The following TACR1 variants were observed in gnomAD, a reference collection of about 807,000 sequenced individuals.
TACR1 encodes substance-P receptor.
A neutral mutation model predicts 35.8 loss-of-function variants in TACR1; 25 were observed. The ratio of observed to expected loss-of-function variants is 0.70; its 90% confidence interval spans 0.51 to 0.98. The LOEUF is 0.98. Among genes scored for constraint, TACR1 ranks in the 50% least tolerant of loss-of-function variants. The pLI is 0.00. For synonymous variants in TACR1, 195 were observed against 206.7 expected, an observed-to-expected ratio of 0.94 and a Z score of 0.48; for missense variants, 478 against 522.9, an observed-to-expected ratio of 0.91 and a Z score of 0.84.
chr2:75,114,219 G>A (rs1320864165), intron 2 of TACR1, among the ~76,000 whole-genome samples: 2 of 152,046 alleles, frequency 1.3e-5, no homozygotes, highest in Non-Finnish European at 2.9e-5. Context: ...GTAATATTTA[G>A]AATTCAGAAT....
In TACR1 at chr2:75,073,867, T is replaced by G. The variant is rs76384736; in HGVS notation, c.585-20112A>C. On this transcript the variant is annotated intron_variant, in intron 2 of 4. Coordinates refer to ENST00000305249, the MANE Select transcript of TACR1 (RefSeq NM_001058.4). ...TGCTGGATAGGGTGAGGCATTACTT[T>G]TAGACATTTACAGAATATGTTCTCC... Among the ~76,000 whole-genome samples the G allele has an allele frequency of 2.1e-3, 314 of 152,260 alleles. 5 individuals are homozygous for G. In the East Asian group the frequency reaches 0.052, roughly 25 times the overall value.
At chr2:75,188,779 C>T (rs1675769742) in intron 1 of TACR1, 1 of 152,186 alleles carries the variant, frequency 6.6e-6, no homozygotes, top group African/African-American at 2.4e-5. Context: ...CCACTGATGA[C>T]CTCATGCCAA....
intron 1 of TACR1, among the ~76,000 whole-genome samples, chr2:75,125,563 T>C (rs1674056306): frequency 6.6e-6 from 1 of 152,204 alleles, no homozygotes; most frequent in Admixed American, 6.5e-5. Context: ...GCTGAGGATG[T>C]AGTAAATACT....
chr2:75,158,966 CTG>C (rs903240370), intron 1 of TACR1, among the ~76,000 whole-genome samples: 11 of 152,154 alleles, frequency 7.2e-5, no homozygotes, highest in African/African-American at 2.7e-4. Context: ...CTTTGGAAGA[CTG>C]TTGTGTTAAG....
intron 1 of TACR1, among the ~76,000 whole-genome samples, chr2:75,147,906 G>A (rs1353039340): frequency 2.0e-5 from 3 of 151,988 alleles, no homozygotes; most frequent in Non-Finnish European, 4.4e-5. Context: ...CACCACACCT[G>A]GCTAATTTTT....
intron 2 of TACR1, among the ~76,000 whole-genome samples, chr2:75,097,021 C>G (rs958586053): frequency 6.6e-6 from 1 of 152,152 alleles, no homozygotes; most frequent in Non-Finnish European, 1.5e-5. Context: ...CTCTTGTATC[C>G]TGGAAAATGA....
chr2:75,151,535 AC>A (rs1674670178), intron 1 of TACR1, among the ~76,000 whole-genome samples: 2 of 152,150 alleles, frequency 1.3e-5, no homozygotes, highest in Admixed American at 1.3e-4. Flanking sequence ...AGATTTGGGA[AC>A]CTTTGCCTAG....
chr2:75,177,995 A>G (rs1193334716), intron 1 of TACR1, among the ~76,000 whole-genome samples: 1 of 152,164 alleles, frequency 6.6e-6, no homozygotes, highest in East Asian at 1.9e-4. Context: ...CAGAAGCAAT[A>G]AAAATGAGCT....
At chr2:75,122,016 T>A (rs920210652) in intron 1 of TACR1, among the ~76,000 whole-genome samples, 2 of 152,212 alleles carry the variant, frequency 1.3e-5, no homozygotes, top group Non-Finnish European at 2.9e-5. Flanking sequence ...TTATTCAGTA[T>A]GCGCTCAATA....
intron 2 of TACR1, among the ~76,000 whole-genome samples, chr2:75,074,991 A>C (rs1479738030): frequency 6.6e-6 from 1 of 152,228 alleles, no homozygotes; most frequent in Non-Finnish European, 1.5e-5. Flanking sequence ...AAGCACTGAG[A>C]ACCTGCTGTC....
At chr2:75,190,640 A>C (rs1475022000) in intron 1 of TACR1, among the ~76,000 whole-genome samples, 2 of 152,180 alleles carry the variant, frequency 1.3e-5, no homozygotes, top group Admixed American at 6.5e-5. Flanking sequence ...AGACTTTTCA[A>C]ATCTTTCCCT....
Position 75,047,734 on chromosome 2 carries a change from G to A in TACR1, c.*1698C>T, listed in dbSNP as rs890527158. 6.6e-6 allele frequency: 1 copy of A among 152,220 alleles called. No homozygotes were observed. Among genetic ancestry groups the A allele is most frequent in the African/African-American group, 2.4e-5 (1 of 41,448 alleles). 9.4% of individuals were successfully genotyped at this position (152,220 alleles called of 1,614,324 possible). A position where few individuals can be genotyped will look rare whatever the true frequency, so the allele number is the denominator to read the frequency against. On this transcript the variant is annotated 3_prime_UTR_variant, in exon 5 of 5. Transcript: ENST00000305249. Reference sequence around the variant, plus strand: ...AACTTTCCATGCTGCTTTAGAGAATGTAGTTCTTGAGGTTTTCTGGCTTAT... The same window carrying A: ...AACTTTCCATGCTGCTTTAGAGAATATAGTTCTTGAGGTTTTCTGGCTTAT...
chr2:75,184,265 A>T (rs1675633463), intron 1 of TACR1, among the ~76,000 whole-genome samples: 1 of 152,172 alleles, frequency 6.6e-6, no homozygotes, highest in Non-Finnish European at 1.5e-5. Flanking sequence ...AAGTATCTAG[A>T]TTTGATTAAA....
intron 2 of TACR1, among the ~76,000 whole-genome samples, chr2:75,090,171 C>T (rs1395080908): frequency 2.0e-5 from 3 of 152,202 alleles, no homozygotes; most frequent in South Asian, 4.1e-4. Flanking sequence ...TGTCCATCCT[C>T]CTATCCTGTT....
chr2:75,153,291 T>C (rs924715574), intron 1 of TACR1, among the ~76,000 whole-genome samples: 3 of 152,208 alleles, frequency 2.0e-5, no homozygotes, highest in African/African-American at 7.2e-5. Flanking sequence ...TCTAACAAGA[T>C]GCTATGGCAA....
chr2:75,094,380 C>T (rs190785518), intron 2 of TACR1, among the ~76,000 whole-genome samples: 4 of 152,188 alleles, frequency 2.6e-5, no homozygotes, highest in East Asian at 1.9e-4. Context: ...TTTTTCCAGG[C>T]GCCATGAAAT....
intron 1 of TACR1, among the ~76,000 whole-genome samples, chr2:75,183,890 A>G (rs1675620171): frequency 6.6e-6 from 1 of 152,262 alleles, no homozygotes; most frequent in South Asian, 2.1e-4. Context: ...CTGCATGATG[A>G]GTAAACAGAG....
chr2:75,178,397 C>T (rs1477576994), intron 1 of TACR1, among the ~76,000 whole-genome samples: 1 of 152,092 alleles, frequency 6.6e-6, no homozygotes, highest in African/African-American at 2.4e-5. Context: ...GTTGGCCAGG[C>T]TGGTCTCAAA....
At chr2:75,139,481 A>G (rs1460543688) in intron 1 of TACR1, among the ~76,000 whole-genome samples, 1 of 152,230 alleles carries the variant, frequency 6.6e-6, no homozygotes, top group African/African-American at 2.4e-5. Flanking sequence ...CACTGCAGCC[A>G]TGAAGGTATA....
Sources: allele counts gnomAD v4.1 joint callset (sites outside exome capture counted in the v4.1 genomes callset), GRCh38; gene constraint gnomAD v4.1.1; transcripts MANE v1.5; gene names NCBI Gene and HGNC (gene_info 2026-07-23, HGNC 2026-07-21).